WAC: variants seen among roughly 807,000 people sequenced by gnomAD.
The protein encoded by WAC is WW domain-containing adapter protein with coiled-coil.
A neutral mutation model predicts 79.6 loss-of-function variants in WAC; 11 were observed. The ratio of observed to expected loss-of-function variants is 0.14; its 90% CI spans 0.09 to 0.23. WAC has a LOEUF of 0.23. Ranked by LOEUF, WAC falls within the 10% of genes least tolerant of loss-of-function variation. WAC has a pLI of 1.00. For synonymous variants in WAC, 304 were observed against 276.9 expected (o/e 1.10, Z -0.97); for missense variants, 728 against 773.5 (o/e 0.94, Z 0.70).
intron 3 of WAC, among the ~76,000 whole-genome samples, chr10:28,576,576 G>A (rs558398607): frequency 3.0e-4 from 45 of 152,242 alleles, no homozygotes; most frequent in Admixed American, 5.2e-4. Context: ...AAAGAATTAA[G>A]TTTTATACAG....
chr10:28,608,075 T>C, intron 7 of WAC, 111 bp from the exon 8 acceptor site: 4 of 1,213,030 alleles, frequency 3.3e-6, no homozygotes, highest in Non-Finnish European at 4.7e-6. Context: ...GTGTAAGGGT[T>C]AAATGAGATT....
chr10:28,565,287 G>A (rs1465334490), intron 3 of WAC, among the ~76,000 whole-genome samples: 2 of 152,160 alleles, frequency 1.3e-5, no homozygotes, highest in African/African-American at 4.8e-5. Flanking sequence ...ACAGATTCTT[G>A]TGTGAACATA....
At chr10:28,589,931 TA>T in intron 5 of WAC, 80 bp downstream of exon 5, 1 of 1,086,924 alleles carries the variant, frequency 9.2e-7, no homozygotes, top group South Asian at 1.4e-5. Flanking sequence ...TTAAACATTC[TA>T]ATTTAGCTTT....
At position 28,621,593 on chromosome 10, in the gene WAC, C is replaced by T. The variant is rs938800711; in HGVS notation, c.*1987C>T. ...GTTTATACCTCTGTGAGATTGTTAA[C>T]ATCTGCTGAATTTAACTAGTGCATG... On this transcript the variant is annotated 3_prime_UTR_variant, in exon 14 of 14. Transcript: ENST00000354911. The T allele has an allele frequency of 6.6e-6, 1 of 152,178 alleles. No homozygotes were observed. Among genetic ancestry groups the T allele is most frequent in the African/African-American group, 2.4e-5 (1 of 41,430 alleles). The allele number at this position is 152,178 out of a possible 1,614,324, so 9.4% of individuals were successfully genotyped here.
chr10:28,560,399 A>G (rs1035895161), intron 3 of WAC, among the ~76,000 whole-genome samples: 3 of 152,114 alleles, frequency 2.0e-5, no homozygotes, highest in Non-Finnish European at 4.4e-5. Flanking sequence ...TTTTAAGCCG[A>G]AGCAGGCATT....
In WAC at chr10:28,622,141, T is replaced by G. The variant is rs374777236; in HGVS notation, c.*2535T>G. 31 of 152,386 alleles carry G rather than the reference T, an allele frequency of 2.0e-4. No homozygotes were observed. The highest frequency in any genetic ancestry group is 7.2e-4 in the African/African-American group (30 of 41,578). The allele number at this position is 152,386 out of a possible 1,614,324, so 9.4% of individuals were successfully genotyped here. On this transcript the variant is annotated 3_prime_UTR_variant, in exon 14 of 14. Transcript: ENST00000354911. ...ATCTGCCTGCCTTGGCCTCCCAAAG[T>G]GCTGGGATTACAGGCGTGAGCCACC...
chr10:28,617,880 A>G lies in WAC; in HGVS notation c.1874+96A>G, dbSNP rs1841541379. On this transcript the variant is annotated intron_variant, in intron 13 of 13. Transcript: ENST00000354911. ...AAATCACATTTTATTTATGAAATGT[A>G]AAGTTCTCTTCGATACATTGATCAC... The G allele has an allele frequency of 3.7e-6, 5 of 1,357,192 alleles. No homozygotes were observed. The South Asian group carries it at 6.1e-5, about 17-fold the overall frequency. 84.1% of individuals were successfully genotyped at this position (1,357,192 alleles called of 1,614,324 possible). A position where few individuals can be genotyped will look rare whatever the true frequency, so the allele number is the denominator to read the frequency against.
At chr10:28,552,911 A>T (rs1467168842) in intron 3 of WAC, among the ~76,000 whole-genome samples, 2 of 140,556 alleles carry the variant, frequency 1.4e-5, no homozygotes, top group Non-Finnish European at 3.0e-5. Context: ...ATAATCTCCA[A>T]GGTCCTTTTC....
At chr10:28,551,172 G>A (rs893709646) in intron 3 of WAC, among the ~76,000 whole-genome samples, 2 of 152,142 alleles carry the variant, frequency 1.3e-5, no homozygotes, top group Non-Finnish European at 2.9e-5. Flanking sequence ...TATTCAGTAA[G>A]CTTTTTGAAG....
intron 3 of WAC, among the ~76,000 whole-genome samples, chr10:28,553,858 A>G (rs1338211500): frequency 2.0e-5 from 3 of 152,154 alleles, no homozygotes; most frequent in Non-Finnish European, 4.4e-5. Context: ...TAGGTATCAT[A>G]AGTAATCTAG....
chr10:28,554,864 CTCTT>C (rs1482488973), intron 3 of WAC, among the ~76,000 whole-genome samples: 1 of 152,110 alleles, frequency 6.6e-6, no homozygotes, highest in Non-Finnish European at 1.5e-5. Context: ...CTAGAATACT[CTCTT>C]TCCATCAGCT....
chr10:28,615,548 A>G (rs947369363), intron 11 of WAC: 1 of 152,356 alleles, frequency 6.6e-6, no homozygotes, highest in East Asian at 1.9e-4. Context: ...ACTGAAATTC[A>G]TTCAGAGCCA....
rs372107789 is a variant in WAC, at chr10:28,619,505, C to T, written c.1875-32C>T. On this transcript the variant is annotated intron_variant, in intron 13 of 13. Transcript: ENST00000354911. Reference sequence around the variant, plus strand: ...GTTTTCTGTAATATTTGTATATGTACACAGGTTCTAATGTCTGCTTTTTTT... The same window carrying T: ...GTTTTCTGTAATATTTGTATATGTATACAGGTTCTAATGTCTGCTTTTTTT... 3 of 1,502,886 alleles carry T rather than the reference C, an allele frequency of 2.0e-6. No homozygotes were observed. In the African/African-American group the frequency reaches 4.3e-5, roughly 22 times the overall value. 93.1% of individuals were successfully genotyped at this position (1,502,886 alleles called of 1,614,324 possible).
chr10:28,533,902 C>T (rs896099760), intron 1 of WAC, 96 bp from the exon 2 acceptor site: 4 of 1,471,718 alleles, frequency 2.7e-6, no homozygotes, highest in Admixed American at 1.8e-5. Context: ...CGGTAGGTCT[C>T]CCGCGGGGAG....
chr10:28,591,317 TC>T (rs148421401), intron 6 of WAC: 4,496 of 157,532 alleles, frequency 0.029, 229 homozygotes, highest in African/African-American at 0.1. Flanking sequence ...TTCACCATGA[TC>T]ACAGATCTGT....
At chr10:28,593,170 T>A (rs375353648) in intron 6 of WAC, among the ~76,000 whole-genome samples, 1 of 152,196 alleles carries the variant, frequency 6.6e-6, no homozygotes, top group Admixed American at 6.5e-5. Context: ...AGGAAGAACC[T>A]TAGCTGTGTT....
intron 4 of WAC, among the ~76,000 whole-genome samples, chr10:28,588,379 C>G (rs959080036): frequency 2.6e-5 from 4 of 152,146 alleles, no homozygotes; most frequent in Non-Finnish European, 5.9e-5. Context: ...TAAACCTGAG[C>G]ATATAAATAC....
At chr10:28,594,009 C>G (rs1041896364) in intron 6 of WAC, among the ~76,000 whole-genome samples, 6 of 152,090 alleles carry the variant, frequency 3.9e-5, no homozygotes, top group African/African-American at 1.4e-4. Context: ...TCACTAGATG[C>G]CAGTAGCATA....
intron 3 of WAC, among the ~76,000 whole-genome samples, chr10:28,578,984 A>G (rs1839390667): frequency 6.6e-6 from 1 of 152,170 alleles, no homozygotes; most frequent in Non-Finnish European, 1.5e-5. Flanking sequence ...GCTTAAGTAT[A>G]GAGCCCCTAT....
Sources: gnomAD v4.1 joint callset for allele counts (sites outside exome capture counted in the v4.1 genomes callset) on GRCh38, gnomAD v4.1.1 for gene constraint, MANE v1.5 for transcripts, NCBI Gene and HGNC (gene_info 2026-07-23, HGNC 2026-07-21) for gene names.